KAT6A: variants seen among roughly 807,000 people sequenced by gnomAD.
KAT6A encodes lysine acetyltransferase 6A, also known as histone acetyltransferase KAT6A.
A neutral mutation model predicts 198.4 loss-of-function variants in KAT6A; 9 were observed. The observed-to-expected ratio is 0.05, with a 90% CI of 0.03 to 0.08. KAT6A has a LOEUF of 0.08. Ranked by LOEUF, KAT6A falls within the 10% of genes least tolerant of loss-of-function variation. The pLI is 1.00. For synonymous variants in KAT6A, 890 were observed against 883.0 expected (o/e 1.01, Z -0.14); for missense variants, 2,077 against 2,509.9 (o/e 0.83, Z 3.69).
At chr8:41,965,567 C>T (rs1428983130) in intron 8 of KAT6A, among the ~76,000 whole-genome samples, 4 of 152,116 alleles carry the variant, frequency 2.6e-5, no homozygotes, top group Admixed American at 6.6e-5. Flanking sequence ...TTTATTACAG[C>T]GTCAGAGAAC....
chr8:41,983,408 T>G (rs1176931851), intron 3 of KAT6A, among the ~76,000 whole-genome samples: 1 of 152,258 alleles, frequency 6.6e-6, no homozygotes, highest in Non-Finnish European at 1.5e-5. Context: ...TAGACTTTCC[T>G]GTTTAAACTA....
At chr8:41,975,018 T>C (rs1385644979) in intron 7 of KAT6A, among the ~76,000 whole-genome samples, 196 bp from the exon 8 acceptor site, 1 of 152,196 alleles carries the variant, frequency 6.6e-6, no homozygotes, top group Non-Finnish European at 1.5e-5. Context: ...AAATCCTGAA[T>C]TGTCTTAAAG....
At chr8:42,032,203 T>C (rs1398259444) in intron 2 of KAT6A, among the ~76,000 whole-genome samples, 1 of 152,204 alleles carries the variant, frequency 6.6e-6, no homozygotes, top group Non-Finnish European at 1.5e-5. Flanking sequence ...ACAGGCAGCT[T>C]GATGTGGCTC....
intron 8 of KAT6A, among the ~76,000 whole-genome samples, chr8:41,965,598 T>C (rs769293872): frequency 6.6e-6 from 1 of 152,222 alleles, no homozygotes; most frequent in African/African-American, 2.4e-5. Context: ...TCTTTGATCA[T>C]CTCCTGTTCC....
intron 7 of KAT6A, 110 bp from the exon 8 acceptor site, chr8:41,974,932 A>C: frequency 1.7e-6 from 1 of 603,858 alleles, no homozygotes; most frequent in Non-Finnish European, 3.0e-6. Flanking sequence ...ATAACGAAGA[A>C]TATAGCATTA....
At chr8:42,006,487 T>G (rs956220745) in intron 2 of KAT6A, among the ~76,000 whole-genome samples, 1 of 152,182 alleles carries the variant, frequency 6.6e-6, no homozygotes, top group Non-Finnish European at 1.5e-5. Flanking sequence ...AGATTTCAGA[T>G]GTTTTTTGGA....
At chr8:41,989,571 A>G (rs1167072198) in intron 2 of KAT6A, among the ~76,000 whole-genome samples, 2 of 148,860 alleles carry the variant, frequency 1.3e-5, no homozygotes, top group Non-Finnish European at 1.5e-5. Flanking sequence ...GTAACATAAC[A>G]TAACTAAAAT....
At chr8:41,946,830 T>A (rs1304884435) in intron 11 of KAT6A, 146 bp from the exon 12 acceptor site, 1 of 610,212 alleles carries the variant, frequency 1.6e-6, no homozygotes, top group African/African-American at 1.9e-5. Context: ...ACTACCCAGC[T>A]GGGAGAAGAT....
chr8:42,012,691 A>T (rs1826079855), intron 2 of KAT6A, among the ~76,000 whole-genome samples: 1 of 152,218 alleles, frequency 6.6e-6, no homozygotes, highest in Admixed American at 6.5e-5. Flanking sequence ...TTTTAAAGCT[A>T]TCCAGTTTCG....
intron 2 of KAT6A, among the ~76,000 whole-genome samples, chr8:42,041,130 G>T: frequency 6.7e-6 from 1 of 149,010 alleles, no homozygotes. Flanking sequence ...GGGAGGCAGA[G>T]GTTGCAGTGA....
At position 41,940,868 on chromosome 8, in the gene KAT6A, G is replaced by GCCCAAGCCC; in HGVS notation, c.3012_3013insGGGCTTGGG (p.Ile1004_Leu1005insGlyLeuGly). The GCCCAAGCCC allele has an allele frequency of 6.2e-7, 1 of 1,612,882 alleles. No homozygotes were observed. The highest frequency in any genetic ancestry group is 8.5e-7 in the Non-Finnish European group (1 of 1,179,846). On this transcript the variant is annotated inframe_insertion, in exon 15 of 17. Transcript: ENST00000265713. ...TTTCGCTTCAGCGTGGGCTTTGTGAGAATTGGTGGCGAGCTTGACCGAGGG... is the reference window on the plus strand; with the variant it reads ...TTTCGCTTCAGCGTGGGCTTTGTGAGCCCAAGCCCAATTGGTGGCGAGCTTGACCGAGGG...
intron 2 of KAT6A, among the ~76,000 whole-genome samples, chr8:41,998,587 T>C (rs1242997736): frequency 1.3e-5 from 2 of 152,136 alleles, no homozygotes; most frequent in Non-Finnish European, 2.9e-5. Context: ...AATTCACCTA[T>C]GCCTTGCACT....
chr8:42,019,541 T>C (rs1826431552), intron 2 of KAT6A, among the ~76,000 whole-genome samples: 1 of 152,194 alleles, frequency 6.6e-6, no homozygotes, highest in African/African-American at 2.4e-5. Flanking sequence ...TATGTTGCAG[T>C]ATCATTATCC....
chr8:41,967,803 C>T (rs1030428400), intron 8 of KAT6A, among the ~76,000 whole-genome samples: 1 of 151,978 alleles, frequency 6.6e-6, no homozygotes, highest in Non-Finnish European at 1.5e-5. Flanking sequence ...AGAACAGAGC[C>T]CTCAGAAATA....
At chr8:41,968,531 T>C (rs1291318646) in intron 8 of KAT6A, among the ~76,000 whole-genome samples, 1 of 152,208 alleles carries the variant, frequency 6.6e-6, no homozygotes, top group East Asian at 1.9e-4. Context: ...TTGGTGGGAC[T>C]GTAAACTAGT....
chr8:42,027,546 T>A (rs879812765), intron 2 of KAT6A, among the ~76,000 whole-genome samples: 1 of 152,184 alleles, frequency 6.6e-6, no homozygotes, highest in African/African-American at 2.4e-5. Flanking sequence ...TCCAGTAATG[T>A]ATCCATTTCC....
chr8:42,038,807 C>T (rs1827498089), intron 2 of KAT6A, among the ~76,000 whole-genome samples: 1 of 152,230 alleles, frequency 6.6e-6, no homozygotes, highest in Non-Finnish European at 1.5e-5. Context: ...ATCAACACTA[C>T]AGCCAGACTT....
At chr8:41,978,241 G>T (rs887424599) in intron 6 of KAT6A, among the ~76,000 whole-genome samples, 1 of 152,232 alleles carries the variant, frequency 6.6e-6, no homozygotes, top group Non-Finnish European at 1.5e-5. Context: ...TCAGGAGAGT[G>T]ACATGTGAAA....
intron 2 of KAT6A, among the ~76,000 whole-genome samples, chr8:42,035,060 A>G (rs1157411766): frequency 2.0e-5 from 3 of 152,228 alleles, no homozygotes; most frequent in African/African-American, 7.2e-5. Context: ...AAATCAATGA[A>G]GAAACTACTA....
Sources: allele counts gnomAD v4.1 joint callset (sites outside exome capture counted in the v4.1 genomes callset), GRCh38; gene constraint gnomAD v4.1.1; transcripts MANE v1.5; gene names NCBI Gene and HGNC (gene_info 2026-07-23, HGNC 2026-07-21).